Variants in PAPPA observed in about 807,000 individuals in gnomAD.
PAPPA encodes the protein pappalysin 1.
PAPPA carries 60 observed loss-of-function variants against 164.0 expected under a neutral mutation model. The ratio of observed to expected loss-of-function variants is 0.37; its 90% CI spans 0.30 to 0.45. The LOEUF (loss-of-function observed/expected upper bound fraction) is 0.45, where lower values mean the gene tolerates loss of function less well. Among genes scored for constraint, PAPPA ranks in the 20% least tolerant of loss-of-function variants. The pLI is 1.00. For missense variants in PAPPA, 1,782 were observed against 2,087.3 expected, an observed-to-expected ratio of 0.85 and a Z score of 2.85; for synonymous variants, 875 against 814.1, an observed-to-expected ratio of 1.07 and a Z score of -1.27.
chr9:116,235,058 C>T (rs41280069), intron 6 of PAPPA, 81 bp from the exon 7 acceptor site: 31 of 1,527,420 alleles, frequency 2.0e-5, no homozygotes, highest in Non-Finnish European at 2.6e-5. Context: ...AGACCAATTT[C>T]TCCTGGGGTC....
chr9:116,293,810 G>A (rs1193989197), intron 9 of PAPPA, among the ~76,000 whole-genome samples: 3 of 151,978 alleles, frequency 2.0e-5, no homozygotes, highest in South Asian at 2.1e-4. Flanking sequence ...CAAAAAATTC[G>A]CCGGCTTGGT....
chr9:116,283,785 A>G (rs1052616773), intron 9 of PAPPA, among the ~76,000 whole-genome samples: 1 of 152,140 alleles, frequency 6.6e-6, no homozygotes, highest in Admixed American at 6.5e-5. Context: ...GCTTGAGTTC[A>G]GCCTCATTAC....
intron 10 of PAPPA, among the ~76,000 whole-genome samples, chr9:116,304,840 T>A (rs1453532072): frequency 6.6e-6 from 1 of 152,156 alleles, no homozygotes; most frequent in Non-Finnish European, 1.5e-5. Flanking sequence ...TTTAATGAAA[T>A]CGACTAGGTT....
chr9:116,209,124 T>C (rs746724536), intron 3 of PAPPA, among the ~76,000 whole-genome samples: 9 of 152,120 alleles, frequency 5.9e-5, no homozygotes, highest in African/African-American at 1.2e-4. Flanking sequence ...GGTAGATAGA[T>C]TGGCAGATAG....
At chr9:116,206,876 C>T (rs1365267394) in intron 2 of PAPPA, among the ~76,000 whole-genome samples, 1 of 152,022 alleles carries the variant, frequency 6.6e-6, no homozygotes, top group East Asian at 1.9e-4. Context: ...AATAAAATTG[C>T]CAATGGGATA....
At chr9:116,315,904 G>C (rs1346922035) in intron 10 of PAPPA, among the ~76,000 whole-genome samples, 1 of 152,214 alleles carries the variant, frequency 6.6e-6, no homozygotes, top group Non-Finnish European at 1.5e-5. Context: ...TGGCTTGGCT[G>C]TCAGAGTGAT....
intron 19 of PAPPA, among the ~76,000 whole-genome samples, chr9:116,374,957 T>C (rs558821300): frequency 6.6e-6 from 1 of 152,240 alleles, no homozygotes; most frequent in Non-Finnish European, 1.5e-5. Flanking sequence ...TTGTATCACA[T>C]TCCTTCATGT....
chr9:116,188,761 G>T (rs1238181963), intron 2 of PAPPA, among the ~76,000 whole-genome samples: 1 of 152,084 alleles, frequency 6.6e-6, no homozygotes. Flanking sequence ...AGGTGGGGTC[G>T]CATGGGGCTA....
intron 15 of PAPPA, among the ~76,000 whole-genome samples, chr9:116,351,477 C>T (rs745690631): frequency 6.6e-6 from 1 of 152,162 alleles, no homozygotes; most frequent in Non-Finnish European, 1.5e-5. Flanking sequence ...CTTCTCAGCA[C>T]CCTGAAAGGC....
intron 1 of PAPPA, among the ~76,000 whole-genome samples, chr9:116,181,895 A>G (rs1465552153): frequency 6.6e-6 from 1 of 152,248 alleles, no homozygotes; most frequent in Non-Finnish European, 1.5e-5. Context: ...TTAGGTCCCT[A>G]CAGAAGAATG....
At chr9:116,225,734 G>A (rs1844498456) in intron 5 of PAPPA, among the ~76,000 whole-genome samples, 1 of 152,112 alleles carries the variant, frequency 6.6e-6, no homozygotes, top group Non-Finnish European at 1.5e-5. Context: ...ATAAGGCTGA[G>A]AATGCAAAAC....
At chr9:116,255,103 C>T (rs1376095474) in intron 7 of PAPPA, among the ~76,000 whole-genome samples, 1 of 151,766 alleles carries the variant, frequency 6.6e-6, no homozygotes, top group African/African-American at 2.4e-5. Context: ...TTTCACCTTC[C>T]TAAAATACTT....
chr9:116,288,448 T>TCCCG (rs1845371529), intron 9 of PAPPA, among the ~76,000 whole-genome samples: 1 of 53,936 alleles, frequency 1.9e-5, no homozygotes, highest in African/African-American at 7.7e-5. Flanking sequence ...CCTCCCTCCC[T>TCCCG]TCCTTCCTTC....
chr9:116,299,016 C>A (rs184557220), intron 9 of PAPPA, among the ~76,000 whole-genome samples: 98 of 152,256 alleles, frequency 6.4e-4, no homozygotes, highest in African/African-American at 2.3e-3. Flanking sequence ...CATTTGTATT[C>A]CATTCCTCAC....
chr9:116,358,233 A>G (rs1032108527), intron 17 of PAPPA, among the ~76,000 whole-genome samples: 12 of 152,186 alleles, frequency 7.9e-5, no homozygotes, highest in Non-Finnish European at 1.8e-4. Context: ...ATCCTGAGTC[A>G]TACAAGCAGA....
chr9:116,319,004 T>A (rs562998116), intron 10 of PAPPA, among the ~76,000 whole-genome samples: 1 of 152,084 alleles, frequency 6.6e-6, no homozygotes, highest in African/African-American at 2.4e-5. Flanking sequence ...TGCCAGACTT[T>A]CCCTCTCCCC....
intron 21 of PAPPA, among the ~76,000 whole-genome samples, chr9:116,392,641 T>C (rs986624247): frequency 6.6e-6 from 1 of 152,168 alleles, no homozygotes; most frequent in Non-Finnish European, 1.5e-5. Context: ...ATATCTGTGA[T>C]AAGTGAGGAA....
chr9:116,187,852 C>A lies in PAPPA; in HGVS notation c.1114C>A (p.Arg372Ser), dbSNP rs144678054. The change falls in exon 2 of 22, where the codon CGC becomes AGC. Residue 372 changes from arginine to serine, a missense_variant. Arg to Ser is a moderately radical substitution (Grantham distance 110). Around this residue, in one of 2 missense-constraint regions of PAPPA, gnomAD observed 1,324 missense variants for 1,656.9 expected, o/e 0.80. Coordinates refer to ENST00000328252, the MANE Select transcript of PAPPA (RefSeq NM_002581.5). This position sits in a 1 kb window ranked among gnomAD's most constrained non-coding sequence, Gnocchi z 4.2. The stretch of plus-strand genomic sequence containing the variant: ...TGATCATAAGAACCCGACGGTGACG[C>A]GCGAGCAGGTGGACTTCCAGCACCA... ...EDDHKNPTVTREQVDFQHHQL... is the reference protein window; with the variant it reads ...EDDHKNPTVTSEQVDFQHHQL... 2 of 1,614,204 alleles carry A rather than the reference C, an allele frequency of 1.2e-6. No homozygotes were observed. Among genetic ancestry groups the A allele is most frequent in the Admixed American group, 3.3e-5 (2 of 60,032 alleles).
intron 7 of PAPPA, among the ~76,000 whole-genome samples, chr9:116,264,337 T>G (rs1374947236): frequency 2.0e-5 from 3 of 152,252 alleles, no homozygotes; most frequent in Admixed American, 6.5e-5. Flanking sequence ...GATATTGGTA[T>G]GTCCACCTAT....
Sources: gnomAD v4.1 joint callset for allele counts (sites outside exome capture counted in the v4.1 genomes callset) on GRCh38, gnomAD v4.1.1 for gene constraint, gnomAD v4.1.1 regional missense constraint, Gnocchi (gnomAD v3.1) non-coding constraint, MANE v1.5 for transcripts, NCBI Gene and HGNC (gene_info 2026-07-23, HGNC 2026-07-21) for gene names.